MCPH1: variants seen among roughly 807,000 people sequenced by gnomAD.
MCPH1 encodes the protein microcephalin 1, also known as microcephalin.
Under a neutral mutation model 84.5 loss-of-function variants are expected in MCPH1, and 104 were observed. That is an observed-to-expected ratio of 1.23 (90% CI 1.05 to 1.45). The LOEUF (loss-of-function observed/expected upper bound fraction) is 1.45. Ranked by LOEUF, MCPH1 falls within the 40% of genes most tolerant of loss-of-function variation. The pLI is 0.00. For missense variants in MCPH1, 1,498 were observed against 1,005.7 expected, an observed-to-expected ratio of 1.49 and a Z score of -6.62; for synonymous variants, 514 against 366.8, an observed-to-expected ratio of 1.40 and a Z score of -4.58.
chr8:6,447,106 C>G (rs763522472), intron 8 of MCPH1: 2 of 985,300 alleles, frequency 2.0e-6, no homozygotes, highest in Non-Finnish European at 1.2e-6. Flanking sequence ...TACAGACAGA[C>G]GGGAAGTCAC....
At chr8:6,479,414 T>C (rs200292392) in intron 10 of MCPH1, among the ~76,000 whole-genome samples, 1 of 20,110 alleles carries the variant, frequency 5.0e-5, no homozygotes, top group African/African-American at 6.6e-5. Flanking sequence ...ATTTATTTAT[T>C]TATTTATTTA....
chr8:6,455,313 C>G, intron 9 of MCPH1, 61 bp downstream of exon 9: 17 of 1,193,910 alleles, frequency 1.4e-5, no homozygotes, highest in Non-Finnish European at 2.0e-5. Context: ...ATGTTCTTCT[C>G]TGGGTCAATG....
intron 2 of MCPH1, among the ~76,000 whole-genome samples, chr8:6,413,523 T>C (rs1361113397): frequency 6.6e-6 from 1 of 151,902 alleles, no homozygotes; most frequent in African/African-American, 2.4e-5. Context: ...TTAACTTCTG[T>C]TGATTGGCTG....
At chr8:6,551,124 G>T (rs986514944) in intron 12 of MCPH1, among the ~76,000 whole-genome samples, 1 of 152,184 alleles carries the variant, frequency 6.6e-6, no homozygotes, top group Non-Finnish European at 1.5e-5. Flanking sequence ...CCCCTGACTC[G>T]AAGCTGACCA....
intron 3 of MCPH1, among the ~76,000 whole-genome samples, chr8:6,417,405 T>TA (rs1799471997): frequency 4.2e-5 from 1 of 24,052 alleles, no homozygotes; most frequent in Non-Finnish European, 3.3e-4. Context: ...GCAGCAAACT[T>TA]TACTTATAAG....
At chr8:6,480,307 G>C (rs1183889305) in intron 10 of MCPH1, among the ~76,000 whole-genome samples, 3 of 152,014 alleles carry the variant, frequency 2.0e-5, no homozygotes, top group Non-Finnish European at 4.4e-5. Flanking sequence ...GTAGTTTTTA[G>C]TAGAGACGGG....
chr8:6,521,155 G>A (rs1817257956), intron 12 of MCPH1: 2 of 1,595,536 alleles, frequency 1.3e-6, no homozygotes, highest in East Asian at 4.5e-5. Flanking sequence ...TAACGCTGAA[G>A]AAAGCATGAT....
intron 9 of MCPH1, among the ~76,000 whole-genome samples, chr8:6,457,335 A>G (rs562204389): frequency 6.6e-6 from 1 of 151,700 alleles, no homozygotes; most frequent in African/African-American, 2.4e-5. Flanking sequence ...GCTCATGCCT[A>G]TAATCCCGGT....
chr8:6,498,803 T>A (rs1448894299), intron 11 of MCPH1, among the ~76,000 whole-genome samples: 1 of 152,040 alleles, frequency 6.6e-6, no homozygotes, highest in Non-Finnish European at 1.5e-5. Context: ...TTAAATAACA[T>A]GCATTGAGGC....
At chr8:6,480,005 T>G (rs17077094) in intron 10 of MCPH1, among the ~76,000 whole-genome samples, 20,121 of 152,076 alleles carry the variant, frequency 0.13, 1,422 homozygotes, top group Middle Eastern at 0.24. Flanking sequence ...ATAAGTGAGG[T>G]TCTTGGTTCT....
At chr8:6,519,842 T>G in intron 12 of MCPH1, 1 of 1,612,332 alleles carries the variant, frequency 6.2e-7, no homozygotes, top group Non-Finnish European at 8.5e-7. Flanking sequence ...AGGGAGTTAG[T>G]AAGGGGAGAC....
rs968438676 is a variant in MCPH1, at chr8:6,506,285, T to C, written c.2214+6356T>C. On this transcript the variant is annotated intron_variant, in intron 12 of 13. Coordinates refer to ENST00000344683, the MANE Select transcript of MCPH1 (RefSeq NM_024596.5). ...GTCCATGCAAAATGGAGCTGCTCATTAGGCTGGTTCATTCATGGTCCAGAC... is the reference window on the plus strand; with the variant it reads ...GTCCATGCAAAATGGAGCTGCTCATCAGGCTGGTTCATTCATGGTCCAGAC... Among the ~76,000 whole-genome samples the C allele has an allele frequency of 2.0e-5, 3 of 152,082 alleles. No homozygotes were observed. The East Asian group carries it at 5.8e-4, about 29-fold the overall frequency.
At position 6,642,571 on chromosome 8, in the gene MCPH1, C is replaced by T; in HGVS notation, c.2453-423C>T. Reference sequence around the variant, plus strand: ...GGATAGCACGGCCTACCTCTCACCACTGGTGTCATAATTAAAACTCATATA... The same window carrying T: ...GGATAGCACGGCCTACCTCTCACCATTGGTGTCATAATTAAAACTCATATA... On this transcript the variant is annotated intron_variant, in intron 13 of 13. Coordinates refer to ENST00000344683, the MANE Select transcript of MCPH1 (RefSeq NM_024596.5). The T allele has an allele frequency of 1.0e-5, 3 of 290,014 alleles. No homozygotes were observed. The South Asian group carries it at 1.1e-4, about 11-fold the overall frequency. The allele number at this position is 290,014 out of a possible 1,614,324, so 18.0% of individuals were successfully genotyped here.
Position 6,646,595 on chromosome 8 carries a change from C to T in MCPH1, c.*3546C>T, listed in dbSNP as rs1001800510. 3 of 152,268 alleles carry T rather than the reference C, an allele frequency of 2.0e-5. No homozygotes were observed. Among genetic ancestry groups the T allele is most frequent in the South Asian group, 4.1e-4 (2 of 4,824 alleles). The allele number at this position is 152,268 out of a possible 1,614,324, so 9.4% of individuals were successfully genotyped here. On this transcript the variant is annotated 3_prime_UTR_variant, in exon 14 of 14. Transcript: ENST00000344683. ...ACACCATGCACAAAAATTAGCTCAACGTGGACTATATCAGGGTTTCTCAAC... is the reference window on the plus strand; with the variant it reads ...ACACCATGCACAAAAATTAGCTCAATGTGGACTATATCAGGGTTTCTCAAC...
chr8:6,586,592 G>T (rs1395165136), intron 12 of MCPH1, among the ~76,000 whole-genome samples: 2 of 152,186 alleles, frequency 1.3e-5, no homozygotes, highest in Admixed American at 1.3e-4. Context: ...CTGCATGTCT[G>T]GGGGGAATTC....
chr8:6,549,458 CGAG>C (rs1563108897), intron 12 of MCPH1, among the ~76,000 whole-genome samples: 1 of 152,138 alleles, frequency 6.6e-6, no homozygotes, highest in African/African-American at 2.4e-5. Context: ...GGGATATTGA[CGAG>C]GAGGGGCCTG....
intron 8 of MCPH1, chr8:6,447,377 A>C: frequency 2.0e-6 from 2 of 985,390 alleles, no homozygotes; most frequent in Non-Finnish European, 1.2e-6. Flanking sequence ...CAAATCTTTA[A>C]TGTCGAAATA....
intron 12 of MCPH1, chr8:6,503,150 C>T (rs1309279784): frequency 6.2e-7 from 1 of 1,614,162 alleles, no homozygotes; most frequent in Middle Eastern, 1.6e-4. Context: ...GAGCGAATAG[C>T]CTGAGCCTTT....
rs562839254 is a variant in MCPH1 at position 6,645,821 on chromosome 8, G to C, written c.*2772G>C. On this transcript the variant is annotated 3_prime_UTR_variant, in exon 14 of 14. Transcript: ENST00000344683. ...CAAAATAGGAATAGACTTGGCAACA[G>C]TTGTAACATCTGTATACTGAAACCT... 6.6e-6 allele frequency: 1 copy of C among 152,114 alleles called. No homozygotes were observed. The highest frequency in any genetic ancestry group is 1.5e-5 in the Non-Finnish European group (1 of 68,016). The allele number at this position is 152,114 out of a possible 1,614,324, so 9.4% of individuals were successfully genotyped here. A position where few individuals can be genotyped will look rare whatever the true frequency, so the allele number is the denominator to read the frequency against.
Sources: allele counts gnomAD v4.1 joint callset (sites outside exome capture counted in the v4.1 genomes callset), GRCh38; gene constraint gnomAD v4.1.1; transcripts MANE v1.5; gene names NCBI Gene and HGNC (gene_info 2026-07-23, HGNC 2026-07-21).